The following SORCS2 variants were observed in gnomAD, a reference collection of about 807,000 sequenced individuals.
The protein encoded by SORCS2 is VPS10 domain-containing receptor SorCS2.
In SORCS2, 100 loss-of-function variants were observed where a neutral mutation model predicts 141.6. That is an observed-to-expected ratio of 0.71 (90% CI 0.60 to 0.83). The LOEUF is 0.83. Among genes scored for constraint, SORCS2 ranks in the 40% least tolerant of loss-of-function variants. The pLI, the probability that SORCS2 is intolerant of heterozygous loss-of-function variation, is 0.00. For missense variants in SORCS2, 1,646 were observed against 1,560.2 expected, an observed-to-expected ratio of 1.05 and a Z score of -0.93; for synonymous variants, 789 against 676.9, an observed-to-expected ratio of 1.17 and a Z score of -2.57.
At chr4:7,467,962 G>A (rs530209400) in intron 2 of SORCS2, among the ~76,000 whole-genome samples, 23 of 152,338 alleles carry the variant, frequency 1.5e-4, no homozygotes, top group Admixed American at 1.2e-3. Context: ...TGCCCAAGGG[G>A]CTGGCTCTGT....
chr4:7,478,762 T>A (rs572504359), intron 2 of SORCS2, among the ~76,000 whole-genome samples: 1 of 152,248 alleles, frequency 6.6e-6, no homozygotes, highest in South Asian at 2.1e-4. Context: ...GGTTCCTGCT[T>A]TCTGTGATCA....
In SORCS2 at chr4:7,682,806, A is replaced by G. The variant is rs1723609295; in HGVS notation, c.1405A>G (p.Ile469Val). 1 of 1,612,994 alleles carries G rather than the reference A, an allele frequency of 6.2e-7. No individual in the cohort carries two copies. Among genetic ancestry groups the G allele is most frequent in the Non-Finnish European group, 8.5e-7 (1 of 1,179,468 alleles). ...AATTGATGGGAAAGTGATGACGCTT[A>G]TAACCTACAACAAGGGCCGCGACTG... The part of the protein sequence containing the change: ...QKIDGKVMTL[I>V]TYNKGRDWDY... Residue 469 changes from isoleucine to valine, a missense_variant, in exon 10 of 27, where the codon ATA becomes GTA. Physicochemically the swap from Ile to Val is conservative, Grantham distance 29 (BLOSUM62 3). Transcript: ENST00000507866.
At chr4:7,416,838 ACATG>A (rs1381471953) in intron 2 of SORCS2, among the ~76,000 whole-genome samples, 8 of 152,062 alleles carry the variant, frequency 5.3e-5, no homozygotes, top group Non-Finnish European at 1.0e-4. Flanking sequence ...ACACACACAA[ACATG>A]CATGCATGCA....
intron 3 of SORCS2, among the ~76,000 whole-genome samples, chr4:7,590,351 C>T (rs923471194): frequency 3.9e-5 from 6 of 152,186 alleles, no homozygotes; most frequent in Admixed American, 6.5e-5. Flanking sequence ...TCTTGCCAAT[C>T]GGGTCCCCTT....
intron 3 of SORCS2, among the ~76,000 whole-genome samples, chr4:7,620,510 G>A (rs1473700036): frequency 2.0e-5 from 3 of 152,238 alleles, no homozygotes; most frequent in South Asian, 2.1e-4. Context: ...TCCCAGGCGA[G>A]GGGCTCCTGT....
intron 1 of SORCS2, among the ~76,000 whole-genome samples, chr4:7,269,267 CTGAG>C (rs916553252): frequency 1.3e-5 from 2 of 152,166 alleles, no homozygotes; most frequent in African/African-American, 2.4e-5. Context: ...AGCAAAGGTC[CTGAG>C]TGAGACAGGC....
intron 1 of SORCS2, 66 bp from the exon 2 acceptor site, chr4:7,396,222 T>G (rs368901871): frequency 1.3e-6 from 2 of 1,502,786 alleles, no homozygotes; most frequent in African/African-American, 1.4e-5. Flanking sequence ...GTGGTGTCAC[T>G]GTACCTCTCT....
intron 8 of SORCS2, among the ~76,000 whole-genome samples, chr4:7,674,580 A>G (rs1415044834): frequency 1.4e-5 from 1 of 71,526 alleles, no homozygotes; most frequent in African/African-American, 2.2e-4. Flanking sequence ...TCTCAAAATA[A>G]AAAAAAAAAA....
At chr4:7,284,610 G>T (rs1171850456) in intron 1 of SORCS2, among the ~76,000 whole-genome samples, 1 of 152,128 alleles carries the variant, frequency 6.6e-6, no homozygotes, top group Non-Finnish European at 1.5e-5. Flanking sequence ...AGGCCTGAAG[G>T]GGTCATGTCT....
intron 12 of SORCS2, 84 bp from the exon 13 acceptor site, chr4:7,703,196 A>C (rs1577093702): frequency 1.8e-6 from 2 of 1,096,606 alleles, no homozygotes; most frequent in Non-Finnish European, 2.6e-6. Context: ...CACATTGACA[A>C]CCCTCCTCCC....
intron 2 of SORCS2, among the ~76,000 whole-genome samples, chr4:7,467,809 C>T (rs906670988): frequency 6.6e-6 from 1 of 152,240 alleles, no homozygotes; most frequent in Admixed American, 6.5e-5. Context: ...GAGCCGGTCC[C>T]CGCACAAGGG....
At chr4:7,633,325 A>G (rs1164376944) in intron 3 of SORCS2, among the ~76,000 whole-genome samples, 2 of 152,234 alleles carry the variant, frequency 1.3e-5, no homozygotes, top group East Asian at 3.9e-4. Flanking sequence ...CGAGAGGCGG[A>G]GCAGGGACCC....
At chr4:7,562,730 C>G (rs887319308) in intron 3 of SORCS2, among the ~76,000 whole-genome samples, 2 of 152,190 alleles carry the variant, frequency 1.3e-5, no homozygotes, top group South Asian at 4.1e-4. Flanking sequence ...GGCCCCAAGC[C>G]CAGGGCAGTT....
At chr4:7,477,461 G>A (rs1016095352) in intron 2 of SORCS2, among the ~76,000 whole-genome samples, 1 of 148,614 alleles carries the variant, frequency 6.7e-6, no homozygotes, top group African/African-American at 2.5e-5. Context: ...CTGACCAAGG[G>A]CAAGGGCCTC....
chr4:7,440,998 C>T (rs1048566305), intron 2 of SORCS2, among the ~76,000 whole-genome samples: 4 of 152,022 alleles, frequency 2.6e-5, no homozygotes, highest in Admixed American at 6.6e-5. Context: ...GGGGTGAGAC[C>T]GTGGGGGAAG....
intron 1 of SORCS2, among the ~76,000 whole-genome samples, chr4:7,272,066 A>C (rs1263463024): frequency 6.6e-6 from 1 of 152,190 alleles, no homozygotes; most frequent in Non-Finnish European, 1.5e-5. Flanking sequence ...GGGGTTTCCA[A>C]TGGGAGGTGC....
chr4:7,720,617 C>T (rs950646993), intron 18 of SORCS2, among the ~76,000 whole-genome samples: 5 of 152,156 alleles, frequency 3.3e-5, no homozygotes, highest in Admixed American at 6.5e-5. Flanking sequence ...CCAACAAGGA[C>T]CAGTACCTAG....
chr4:7,253,299 C>T (rs1713628439), intron 1 of SORCS2, among the ~76,000 whole-genome samples: 1 of 152,216 alleles, frequency 6.6e-6, no homozygotes, highest in African/African-American at 2.4e-5. Flanking sequence ...TGGGGCAGCT[C>T]TGGGGTCCAG....
intron 14 of SORCS2, among the ~76,000 whole-genome samples, chr4:7,707,360 G>A (rs776141074): frequency 1.3e-5 from 2 of 152,184 alleles, no homozygotes; most frequent in South Asian, 2.1e-4. Flanking sequence ...GAAGCTGGAC[G>A]TCGGATTTAG....
Sources: allele counts gnomAD v4.1 joint callset (sites outside exome capture counted in the v4.1 genomes callset), GRCh38; gene constraint gnomAD v4.1.1; transcripts MANE v1.5; gene names NCBI Gene and HGNC (gene_info 2026-07-23, HGNC 2026-07-21).